The following UNC80 variants were observed in gnomAD, a reference collection of about 807,000 sequenced individuals.
UNC80 encodes the protein unc-80 subunit of NALCN channel complex.
A neutral mutation model predicts 384.6 loss-of-function variants in UNC80; 164 were observed. That is an observed-to-expected ratio of 0.43 (90% confidence interval 0.38 to 0.49). The LOEUF (loss-of-function observed/expected upper bound fraction) is 0.49. Among genes scored for constraint, UNC80 ranks in the 20% least tolerant of loss-of-function variants. UNC80 has a pLI of 0.00. For synonymous variants in UNC80, 1,486 were observed against 1,527.8 expected, an observed-to-expected ratio of 0.97 and a Z score of 0.64; for missense variants, 3,330 against 4,143.0, an observed-to-expected ratio of 0.80 and a Z score of 5.39.
chr2:209,777,680 T>G, intron 4 of UNC80, 121 bp downstream of exon 4: 1 of 1,093,182 alleles, frequency 9.1e-7, no homozygotes, highest in Non-Finnish European at 1.3e-6. Flanking sequence ...AGTCAAGGCA[T>G]GGAGAACTTT....
In UNC80 at chr2:209,776,717, C is replaced by T. The variant is rs563948707; in HGVS notation, c.299-541C>T. Among the ~76,000 whole-genome samples the T allele has an allele frequency of 5.8e-4, 89 of 152,386 alleles. No individual in the cohort carries two copies. In the South Asian group the frequency reaches 0.014, roughly 24 times the overall value. On this transcript the variant is annotated intron_variant, in intron 3 of 64. Transcript: ENST00000673920. The stretch of plus-strand genomic sequence containing the variant: ...TTCCTAAAGCAACCACTCTCATGAA[C>T]TGGGCATATTTGCCTCAGACATTTT...
intron 50 of UNC80, 140 bp downstream of exon 50, chr2:209,959,294 T>C (rs192162513): frequency 8.2e-7 from 1 of 1,215,062 alleles, no homozygotes; most frequent in Non-Finnish European, 1.2e-6. Context: ...GTGGGTTTAC[T>C]ACAGTTTGGG....
In UNC80 at chr2:209,872,631, A is replaced by C; in HGVS notation, c.3628-127A>C. On this transcript the variant is annotated intron_variant, in intron 22 of 64. Transcript: ENST00000673920. The surrounding 1 kb of genome is among the most constrained non-coding windows in gnomAD (Gnocchi z 4.1). ...CCATACTGACACCACCCTGGGAAAT[A>C]TGGCCAATATAAATCAAAACATGAA... The C allele has an allele frequency of 3.2e-5, 27 of 855,470 alleles. No individual in the cohort carries two copies. Among genetic ancestry groups the C allele is most frequent in the Non-Finnish European group, 4.4e-5 (24 of 548,712 alleles). 53.0% of individuals were successfully genotyped at this position (855,470 alleles called of 1,614,324 possible).
chr2:209,794,190 A>G (rs1315189635), intron 7 of UNC80, among the ~76,000 whole-genome samples: 2 of 152,208 alleles, frequency 1.3e-5, no homozygotes, highest in East Asian at 1.9e-4. Flanking sequence ...TTAATATATA[A>G]GAATATTTTA....
intron 25 of UNC80, among the ~76,000 whole-genome samples, chr2:209,883,231 G>T (rs180791422): frequency 2.4e-4 from 37 of 152,136 alleles, no homozygotes; most frequent in African/African-American, 8.0e-4. Flanking sequence ...TTTTTAAATT[G>T]TGGTAAGAGC....
chr2:209,880,309 C>G (rs1299082993), intron 24 of UNC80, among the ~76,000 whole-genome samples: 2 of 152,146 alleles, frequency 1.3e-5, no homozygotes, highest in Non-Finnish European at 2.9e-5. Flanking sequence ...TTCTGCAGAG[C>G]AAAAGAGAAT....
intron 47 of UNC80, among the ~76,000 whole-genome samples, chr2:209,953,862 C>T (rs569226637): frequency 1.4e-4 from 21 of 152,260 alleles, no homozygotes; most frequent in African/African-American, 2.2e-4. Flanking sequence ...CTAATTCCCC[C>T]GACTAGATCA....
rs536981632 is a variant in UNC80 at position 209,817,826 on chromosome 2, C to A, written c.1567C>A (p.Arg523=). 1 of 1,551,554 alleles carries A rather than the reference C, an allele frequency of 6.4e-7. No individual in the cohort carries two copies. Among genetic ancestry groups the A allele is most frequent in the Non-Finnish European group, 8.7e-7 (1 of 1,146,958 alleles). The change falls in exon 11 of 65, where the codon CGA becomes AGA. Residue 523 remains arginine, a synonymous_variant. Transcript: ENST00000673920. ...QTTILGKLTR[R]GSSDAATEME... is the part of the protein sequence containing the mutation. Reference sequence around the variant, plus strand: ...ATTCATCCCAGGGAAATTGACCCGGCGAGGCAGTTCAGATGCAGCCACTGA... The same window carrying A: ...ATTCATCCCAGGGAAATTGACCCGGAGAGGCAGTTCAGATGCAGCCACTGA...
intron 23 of UNC80, 68 bp downstream of exon 23, chr2:209,873,038 TTG>T (rs2084438348): frequency 3.6e-6 from 5 of 1,407,016 alleles, no homozygotes; most frequent in Non-Finnish European, 4.9e-6. Flanking sequence ...TTTTGATTGA[TTG>T]TGTTTGTTTT....
At chr2:209,964,163 T>C (rs2092678072) in intron 51 of UNC80, among the ~76,000 whole-genome samples, 1 of 152,228 alleles carries the variant, frequency 6.6e-6, no homozygotes, top group South Asian at 2.1e-4. Flanking sequence ...TTTCTCTTTA[T>C]TACAATGCTA....
chr2:209,791,036 T>G (rs907858869), intron 6 of UNC80, among the ~76,000 whole-genome samples: 1 of 152,206 alleles, frequency 6.6e-6, no homozygotes, highest in Non-Finnish European at 1.5e-5. Context: ...TCCTCTCGAT[T>G]TGATTTCCTG....
chr2:209,864,399 GA>G, intron 22 of UNC80, among the ~76,000 whole-genome samples: 1 of 152,274 alleles, frequency 6.6e-6, no homozygotes, highest in East Asian at 1.9e-4. Context: ...TTGCTGTGGG[GA>G]AACCCACCCG....
intron 52 of UNC80, chr2:209,968,046 G>C (rs1288810679): frequency 6.5e-6 from 1 of 153,386 alleles, no homozygotes; most frequent in African/African-American, 2.4e-5. Flanking sequence ...TTAGGTACCA[G>C]TTTAGAGAAA....
At position 209,839,145 on chromosome 2, in the gene UNC80, A is replaced by AC. The variant is rs2081557682; in HGVS notation, c.3042-76dup. ...TGCATGATTTGCCTAAATATCATTG[A>AC]CAGGAAGATGAAAGAAATTTAGGAG... is the stretch of plus-strand genomic sequence containing the variant. On this transcript the variant is annotated intron_variant, in intron 18 of 64. Transcript: ENST00000673920. The surrounding 1 kb of genome is among the most constrained non-coding windows in gnomAD (Gnocchi z 4.1). 1 of 1,320,490 alleles carries AC rather than the reference A, an allele frequency of 7.6e-7. No homozygotes were observed. Among genetic ancestry groups the AC allele is most frequent in the Non-Finnish European group, 1.0e-6 (1 of 955,722 alleles). 81.8% of individuals were successfully genotyped at this position (1,320,490 alleles called of 1,614,324 possible). A position where few individuals can be genotyped will look rare whatever the true frequency, so the allele number is the denominator to read the frequency against.
intron 22 of UNC80, among the ~76,000 whole-genome samples, chr2:209,870,080 A>G (rs990155953): frequency 6.6e-6 from 1 of 152,166 alleles, no homozygotes; most frequent in African/African-American, 2.4e-5. Flanking sequence ...TAACACTTAG[A>G]GGCAATAAAA....
At chr2:209,947,606 T>C (rs1007896464) in intron 47 of UNC80, among the ~76,000 whole-genome samples, 1 of 152,190 alleles carries the variant, frequency 6.6e-6, no homozygotes, top group East Asian at 1.9e-4. Context: ...CATCTTGATG[T>C]CTCAGTAAGG....
At chr2:209,946,374 A>G (rs1325658274) in intron 47 of UNC80, among the ~76,000 whole-genome samples, 1 of 151,832 alleles carries the variant, frequency 6.6e-6, no homozygotes, top group Non-Finnish European at 1.5e-5. Flanking sequence ...TGTCAGAAAA[A>G]AAAAAAAAGA....
intron 28 of UNC80, among the ~76,000 whole-genome samples, chr2:209,901,659 G>A (rs946690805): frequency 2.6e-5 from 4 of 152,114 alleles, no homozygotes; most frequent in African/African-American, 7.2e-5. Flanking sequence ...AGGTGTGGTG[G>A]TTCACACCTG....
chr2:209,830,970 C>A (rs1265563862), intron 15 of UNC80, among the ~76,000 whole-genome samples: 1 of 152,174 alleles, frequency 6.6e-6, no homozygotes, highest in Non-Finnish European at 1.5e-5. Context: ...CCCTTCCCAG[C>A]TACCTGGTTG....
Sources: gnomAD v4.1 joint callset for allele counts (sites outside exome capture counted in the v4.1 genomes callset) on GRCh38, gnomAD v4.1.1 for gene constraint, Gnocchi (gnomAD v3.1) non-coding constraint, MANE v1.5 for transcripts, NCBI Gene and HGNC (gene_info 2026-07-23, HGNC 2026-07-21) for gene names.